Variants in FAM186A observed in about 807,000 individuals in gnomAD.
The protein encoded by FAM186A is protein FAM186A.
Under a neutral mutation model 216.8 loss-of-function variants are expected in FAM186A, and 163 were observed. The ratio of observed to expected loss-of-function variants is 0.75; its 90% confidence interval spans 0.66 to 0.86. The LOEUF (loss-of-function observed/expected upper bound fraction) is 0.86, where lower values mean the gene tolerates loss of function less well. FAM186A is among the 40% of genes least tolerant of loss of function. The pLI is 0.00. For missense variants in FAM186A, 2,184 were observed against 2,746.2 expected (o/e 0.80, Z 4.58); for synonymous variants, 805 against 1,025.3 (o/e 0.79, Z 4.10).
chr12:50,354,746 C>A lies in FAM186A; in HGVS notation c.2086G>T (p.Val696Phe), dbSNP rs1286535096. ...TTTAATAACTCCTCTTCCTTCGGAACAGTCTTTTTGTCAAAAGCCTTTCCT... is the reference window on the plus strand; with the variant it reads ...TTTAATAACTCCTCTTCCTTCGGAAAAGTCTTTTTGTCAAAAGCCTTTCCT... ...NIGKAFDKKT[V>F]PKEEELLKRA... Residue 696 changes from valine to phenylalanine, a missense_variant, in exon 4 of 8, where the codon GTT (valine) becomes TTT (phenylalanine). Physicochemically the swap from Val to Phe is conservative, Grantham distance 50 (BLOSUM62 -1). Transcript: ENST00000327337. The A allele has an allele frequency of 6.5e-7, 1 of 1,542,908 alleles. No individual in the cohort carries two copies.
Position 50,332,750 on chromosome 12 carries a change from C to T in FAM186A, c.6697-929G>A, listed in dbSNP as rs528898371. Among the ~76,000 whole-genome samples, 21 of 152,068 alleles carry T rather than the reference C, an allele frequency of 1.4e-4. No individual in the cohort carries two copies. The East Asian group carries it at 1.9e-3, about 14-fold the overall frequency. ...TATTTAAAATATAACTGTTCTGGGC[C>T]GGGCACGGTGGCTCAAGCCTCTATC... On this transcript the variant is annotated intron_variant, in intron 5 of 7. Transcript: ENST00000327337.
At chr12:50,346,250 A>AAAGAAAGAAAGAAAGAAAGAAAGAAAGC (rs1942815371) in intron 4 of FAM186A, among the ~76,000 whole-genome samples, 2 of 149,554 alleles carry the variant, frequency 1.3e-5, no homozygotes, top group Admixed American at 6.7e-5. Context: ...AGAAAGAAAG[A>AAAGAAAGAAAGAAAGAAAGAAAGAAAGC]AAGAAAGAAA....
chr12:50,331,707 C>G lies in FAM186A; in HGVS notation c.6811G>C (p.Glu2271Gln). ...VQKPFLKLLM[E>Q]EDRTSDICKK... ...CATATGTCAGAGGTTCTGTCCTCTT[C>G]CATTAGTAATTTTAAGAATGGCTTT... is the stretch of plus-strand genomic sequence containing the variant. The change falls in exon 6 of 8, where the codon GAA becomes CAA. Residue 2271 changes from glutamate (E) to glutamine (Q), a missense_variant. Transcript: ENST00000327337. The G allele has an allele frequency of 6.5e-7, 1 of 1,547,110 alleles. No homozygotes were observed. The highest frequency in any genetic ancestry group is 8.7e-7 in the Non-Finnish European group (1 of 1,146,122).
chr12:50,355,766 G>A lies in FAM186A; in HGVS notation c.1066C>T (p.Pro356Ser). The change falls in exon 4 of 8, where the codon CCT (proline) becomes TCT (serine). Residue 356 changes from proline (P) to serine (S), a missense_variant. Pro to Ser is a moderately conservative substitution (Grantham distance 74, BLOSUM62 -1). Transcript: ENST00000327337. Reference sequence around the variant, plus strand: ...ATCGCCCTGGATGACTGTGGAGAAGGTCCAGGTAACACTTTCAAGGTTGAT... The same window carrying A: ...ATCGCCCTGGATGACTGTGGAGAAGATCCAGGTAACACTTTCAAGGTTGAT... The part of the protein sequence containing the change: ...TSSTLKVLPG[P>S]SPQSSRAIIK... 6.4e-7 allele frequency: 1 copy of A among 1,551,668 alleles called. No individual in the cohort carries two copies. The highest frequency in any genetic ancestry group is 8.7e-7 in the Non-Finnish European group (1 of 1,146,984).
At position 50,350,598 on chromosome 12, in the gene FAM186A, T is replaced by G; in HGVS notation, c.6234A>C (p.Ile2078=). 2 of 1,551,672 alleles carry G rather than the reference T, an allele frequency of 1.3e-6. No homozygotes were observed. Among genetic ancestry groups the G allele is most frequent in the Non-Finnish European group, 1.7e-6 (2 of 1,146,988 alleles). Residue 2078 remains isoleucine, a synonymous_variant, in exon 4 of 8, where the codon ATA becomes ATC. Transcript: ENST00000327337. ...SRFPPIDKPW[I]LSSVSDTKKP... ...TCTTGGTATCTGAAACTGAACTCAGTATCCAGGGCTTGTCTATAGGAGGGA... is the reference window on the plus strand; with the variant it reads ...TCTTGGTATCTGAAACTGAACTCAGGATCCAGGGCTTGTCTATAGGAGGGA...
Position 50,355,411 on chromosome 12 carries a change from G to C in FAM186A, c.1421C>G (p.Pro474Arg). ...TCCACTTTTATTATCACTCAGATTT[G>C]GTCCAGAGGTCTCATATACATATGT... Reference protein sequence around the residue: ...KATYVYETSGPNLSDNKSGQK... With the variant: ...KATYVYETSGRNLSDNKSGQK... The change falls in exon 4 of 8, where the codon CCA becomes CGA. Residue 474 changes from proline to arginine, a missense_variant. Pro to Arg is a moderately radical substitution (Grantham distance 103). This residue lies in a region of FAM186A where 1,132 missense variants were observed against 1,263.4 expected (regional missense o/e 0.90). Transcript: ENST00000327337. 1.9e-6 allele frequency: 3 copies of C among 1,551,270 alleles called. No individual in the cohort carries two copies. The highest frequency in any genetic ancestry group is 2.4e-5 in the South Asian group (2 of 84,054).
chr12:50,339,906 C>A (rs1040234405), intron 4 of FAM186A, among the ~76,000 whole-genome samples: 2 of 151,976 alleles, frequency 1.3e-5, no homozygotes, highest in African/African-American at 4.8e-5. Context: ...GGCGCAATCT[C>A]GGTTCACTGC....
chr12:50,368,990 T>C (rs1592623240), intron 1 of FAM186A, among the ~76,000 whole-genome samples: 1 of 147,234 alleles, frequency 6.8e-6, no homozygotes, highest in Non-Finnish European at 1.5e-5. Context: ...CACACACAAA[T>C]GTTGGTGGGA....
chr12:50,352,591 T>G lies in FAM186A; in HGVS notation c.4241A>C (p.Gln1414Pro), dbSNP rs1592609378. Reference sequence around the variant, plus strand: ...AGGGATCCCCAATTCCTGAGCCTGCTGAGGGGTGAGAGGGATCCCCAGTTC... The same window carrying G: ...AGGGATCCCCAATTCCTGAGCCTGCGGAGGGGTGAGAGGGATCCCCAGTTC... ...AQELGIPLTP[Q>P]QAQELGIPFT... Residue 1414 changes from glutamine to proline, a missense_variant, in exon 4 of 8, where the codon CAG (glutamine) becomes CCG (proline). Gln to Pro is a moderately conservative substitution (Grantham distance 76). Coordinates refer to ENST00000327337, the MANE Select transcript of FAM186A (RefSeq NM_001145475.3). The G allele has an allele frequency of 6.6e-7, 1 of 1,516,170 alleles. No individual in the cohort carries two copies. The highest frequency in any genetic ancestry group is 2.6e-5 in the East Asian group (1 of 39,030). 93.9% of individuals were successfully genotyped at this position (1,516,170 alleles called of 1,614,324 possible).
chr12:50,364,371 G>T (rs551478712), intron 1 of FAM186A, among the ~76,000 whole-genome samples: 2 of 151,592 alleles, frequency 1.3e-5, no homozygotes, highest in African/African-American at 4.8e-5. Flanking sequence ...TGGCCAACAC[G>T]GTGAAACCCT....
intron 1 of FAM186A, among the ~76,000 whole-genome samples, chr12:50,388,209 T>C (rs1943323593): frequency 6.6e-6 from 1 of 152,154 alleles, no homozygotes; most frequent in Non-Finnish European, 1.5e-5. Context: ...ACCAGTCCCA[T>C]CCTGAAGCTA....
intron 1 of FAM186A, among the ~76,000 whole-genome samples, chr12:50,394,071 A>C (rs957211579): frequency 5.3e-4 from 81 of 151,744 alleles, no homozygotes; most frequent in African/African-American, 1.9e-3. Flanking sequence ...GGCAGGAGCC[A>C]CCACACCCGG....
chr12:50,363,304 T>C lies in FAM186A; in HGVS notation c.253A>G (p.Thr85Ala). ...NNVHRIMTRY[T>A]LVFNSSSERN... is the part of the protein sequence containing the mutation. ...TCAGAGGACGAGTTAAAAACAAGAG[T>C]ATAGCGAGTCATTATCCGATGCACA... Residue 85 changes from threonine (T) to alanine (A), a missense_variant, in exon 2 of 8, where the codon ACT becomes GCT. Coordinates refer to ENST00000327337, the MANE Select transcript of FAM186A (RefSeq NM_001145475.3). 1.9e-6 allele frequency: 3 copies of C among 1,551,434 alleles called. No homozygotes were observed. In the East Asian group the frequency reaches 7.3e-5, roughly 38 times the overall value.
intron 4 of FAM186A, among the ~76,000 whole-genome samples, chr12:50,335,997 C>T (rs1024443757): frequency 4.0e-5 from 6 of 151,476 alleles, no homozygotes; most frequent in Non-Finnish European, 5.9e-5. Context: ...TGATGGCGGG[C>T]GCCTATAGTC....
Position 50,350,595 on chromosome 12 carries a change from C to T in FAM186A, c.6237G>A (p.Leu2079=), listed in dbSNP as rs1276446593. 1.3e-6 allele frequency: 2 copies of T among 1,551,632 alleles called. No individual in the cohort carries two copies. The highest frequency in any genetic ancestry group is 2.4e-5 in the South Asian group (2 of 84,060). ...RFPPIDKPWI[L]SSVSDTKKPK... ...GTTTCTTGGTATCTGAAACTGAACT[C>T]AGTATCCAGGGCTTGTCTATAGGAG... The change falls in exon 4 of 8, where the codon CTG becomes CTA. Residue 2079 remains leucine, a synonymous_variant. Transcript: ENST00000327337.
At chr12:50,392,265 T>C in intron 1 of FAM186A, 1 of 132,458 alleles carries the variant, frequency 7.5e-6, no homozygotes, top group Non-Finnish European at 1.3e-5. Flanking sequence ...TGTTGTTTGT[T>C]TGTTTGTTTG....
In FAM186A at chr12:50,375,944, T is replaced by G. The variant is rs568659438; in HGVS notation, c.193-12580A>C. On this transcript the variant is annotated intron_variant, in intron 1 of 7. Coordinates refer to ENST00000327337, the MANE Select transcript of FAM186A (RefSeq NM_001145475.3). ...ATGCCTGCCAAGGGTGAGCCAGGCA[T>G]GGAGCACCGAGGGGTGTGTGAGCAA... Among the ~76,000 whole-genome samples, 41 of 151,974 alleles carry G rather than the reference T, an allele frequency of 2.7e-4. No homozygotes were observed. The East Asian group carries it at 7.4e-3, about 27-fold the overall frequency.
rs1191452314 is a variant in FAM186A, at chr12:50,354,522, A to G, written c.2310T>C (p.Ser770=). Residue 770 remains serine, a synonymous_variant, in exon 4 of 8, where the codon AGT becomes AGC. Transcript: ENST00000327337. ...PGLHFQKSPI[S]AKSESSTLLS... Reference sequence around the variant, plus strand: ...GGAGGGTACTGCTTTCAGATTTTGCACTAATTGGTGACTTCTGAAAATGCA... The same window carrying G: ...GGAGGGTACTGCTTTCAGATTTTGCGCTAATTGGTGACTTCTGAAAATGCA... The G allele has an allele frequency of 6.4e-7, 1 of 1,551,574 alleles. No individual in the cohort carries two copies. Among genetic ancestry groups the G allele is most frequent in the South Asian group, 1.2e-5 (1 of 84,054 alleles).
rs570438482 is a variant in FAM186A at position 50,383,550 on chromosome 12, C to T, written c.192+12743G>A. On this transcript the variant is annotated intron_variant, in intron 1 of 7. Transcript: ENST00000327337. ...GGCAGAAGTTGCAGTGAGCCAAGAT[C>T]GCGCCACTCAACTCCAGCCTGGGCA... 5.1e-4 allele frequency among the ~76,000 whole-genome samples: 78 copies of T among 151,840 alleles called. No homozygotes were observed. The South Asian group carries it at 0.011, about 22-fold the overall frequency.
Sources: allele counts gnomAD v4.1 joint callset (sites outside exome capture counted in the v4.1 genomes callset), GRCh38; gene constraint gnomAD v4.1.1; regional missense constraint gnomAD v4.1.1; transcripts MANE v1.5; gene names NCBI Gene and HGNC (gene_info 2026-07-23, HGNC 2026-07-21).